ITFG1: variants seen among roughly 807,000 people sequenced by gnomAD.
ITFG1 encodes the protein T-cell immunomodulatory protein.
A neutral mutation model predicts 81.8 loss-of-function variants in ITFG1; 34 were observed. That is an observed-to-expected ratio of 0.42 (90% CI 0.32 to 0.55). ITFG1 has a LOEUF of 0.55. Ranked by LOEUF, ITFG1 falls within the 20% of genes least tolerant of loss-of-function variation. The pLI is 0.17. For missense variants in ITFG1, 672 were observed against 755.4 expected (o/e 0.89, Z 1.29); for synonymous variants, 285 against 270.6 (o/e 1.05, Z -0.52).
chr16:47,337,134 T>A (rs1967715633), intron 8 of ITFG1, among the ~76,000 whole-genome samples: 1 of 101,838 alleles, frequency 9.8e-6, no homozygotes, highest in African/African-American at 3.3e-5. Context: ...GCGAACTCTG[T>A]CTCAAAAAAA....
chr16:47,279,491 A>G (rs942082549), intron 10 of ITFG1, among the ~76,000 whole-genome samples: 1 of 152,172 alleles, frequency 6.6e-6, no homozygotes, highest in African/African-American at 2.4e-5. Context: ...CCACTGATCT[A>G]TGTGTCTACT....
intron 14 of ITFG1, 147 bp downstream of exon 14, chr16:47,218,721 C>A: frequency 2.5e-6 from 1 of 404,520 alleles, no homozygotes; most frequent in Non-Finnish European, 4.3e-6. Context: ...TATAATCTAC[C>A]AATGTAAGTC....
rs71134539 is a variant in ITFG1 at position 47,369,833 on chromosome 16, C to CTTTTTTTTTT, written c.721-3974_721-3965dup. On this transcript the variant is annotated intron_variant, in intron 7 of 17. Transcript: ENST00000320640. Reference sequence around the variant, plus strand: ...TCCTATTCAGAATATTCAATATCCTCTTTTTTTTTTTTTTTTTTTTTTTTG... The same window carrying CTTTTTTTTTT: ...TCCTATTCAGAATATTCAATATCCTCTTTTTTTTTTTTTTTTTTTTTTTTTTTTTTTTTTG... 2.1e-4 allele frequency among the ~76,000 whole-genome samples: 11 copies of CTTTTTTTTTT among 51,708 alleles called. 1 individual carries two copies. Among genetic ancestry groups the CTTTTTTTTTT allele is most frequent in the African/African-American group, 6.3e-4 (8 of 12,798 alleles). 33.9% of individuals were successfully genotyped at this position (51,708 alleles called of 152,430 possible).
At chr16:47,160,690 C>A (rs1461269945) in intron 16 of ITFG1, among the ~76,000 whole-genome samples, 1 of 152,068 alleles carries the variant, frequency 6.6e-6, no homozygotes, top group Non-Finnish European at 1.5e-5. Flanking sequence ...GGTTCTGAAG[C>A]CCATTAATTT....
chr16:47,293,490 T>G (rs928573838), intron 10 of ITFG1, among the ~76,000 whole-genome samples: 1 of 152,078 alleles, frequency 6.6e-6, no homozygotes, highest in African/African-American at 2.4e-5. Context: ...AAGAGTTCCC[T>G]TAATTCTGTA....
intron 5 of ITFG1, among the ~76,000 whole-genome samples, chr16:47,447,371 T>C (rs1467890882): frequency 1.3e-5 from 2 of 152,202 alleles, no homozygotes; most frequent in Non-Finnish European, 2.9e-5. Flanking sequence ...CTAAAAATTA[T>C]TAAGATTTAA....
At chr16:47,332,054 T>G (rs984499360) in intron 8 of ITFG1, among the ~76,000 whole-genome samples, 2 of 152,160 alleles carry the variant, frequency 1.3e-5, no homozygotes, top group African/African-American at 4.8e-5. Flanking sequence ...ATGTATGAAA[T>G]GTCTGAACCA....
At chr16:47,271,049 GCCAATTAAACC>G (rs2151545985) in intron 10 of ITFG1, among the ~76,000 whole-genome samples, 1 of 152,218 alleles carries the variant, frequency 6.6e-6, no homozygotes, top group East Asian at 1.9e-4. Context: ...AATTTACTCT[GCCAATTAAACC>G]CCAATTAAGC....
At chr16:47,184,019 C>T (rs532071883) in intron 14 of ITFG1, among the ~76,000 whole-genome samples, 1 of 152,132 alleles carries the variant, frequency 6.6e-6, no homozygotes, top group Non-Finnish European at 1.5e-5. Context: ...ATGCGATCAA[C>T]TGGAAGAAAG....
intron 10 of ITFG1, among the ~76,000 whole-genome samples, chr16:47,270,973 G>T (rs1222819717): frequency 2.0e-5 from 3 of 152,192 alleles, no homozygotes; most frequent in Non-Finnish European, 4.4e-5. Flanking sequence ...TATCTTGATT[G>T]TGGTGATATT....
chr16:47,206,052 G>T (rs956204932), intron 14 of ITFG1, among the ~76,000 whole-genome samples: 1 of 152,062 alleles, frequency 6.6e-6, no homozygotes, highest in East Asian at 1.9e-4. Context: ...TTTTAGTGGA[G>T]ATGGGGTTTC....
At chr16:47,291,450 C>T (rs1301425591) in intron 10 of ITFG1, among the ~76,000 whole-genome samples, 2 of 152,008 alleles carry the variant, frequency 1.3e-5, no homozygotes, top group Non-Finnish European at 2.9e-5. Context: ...TCTTTGGAGA[C>T]CTTTGAGATT....
intron 2 of ITFG1, among the ~76,000 whole-genome samples, chr16:47,456,170 T>C (rs1387233621): frequency 6.6e-6 from 1 of 152,030 alleles, no homozygotes; most frequent in East Asian, 1.9e-4. Context: ...ACTGCACTCC[T>C]TTTTCACCTG....
intron 14 of ITFG1, among the ~76,000 whole-genome samples, chr16:47,198,050 C>T (rs879546270): frequency 2.0e-5 from 3 of 152,108 alleles, no homozygotes; most frequent in Non-Finnish European, 2.9e-5. Context: ...ACTGTTATTA[C>T]GGATTGAAGT....
chr16:47,338,806 T>C lies in ITFG1; in HGVS notation c.803-24983A>G, dbSNP rs552177545. Among the ~76,000 whole-genome samples the C allele has an allele frequency of 2.6e-5, 4 of 152,232 alleles. 1 individual carries two copies. The highest frequency in any genetic ancestry group is 2.1e-4 in the South Asian group (1 of 4,818). ...TTCCATTACCTCAAGCATTTGTCCT[T>C]TGTGCACAAACAATCCAATTCTACT... On this transcript the variant is annotated intron_variant, in intron 8 of 17. Transcript: ENST00000320640.
intron 10 of ITFG1, among the ~76,000 whole-genome samples, chr16:47,271,599 C>T (rs1056990911): frequency 6.6e-6 from 1 of 152,240 alleles, no homozygotes; most frequent in African/African-American, 2.4e-5. Flanking sequence ...CTGGCTCACG[C>T]CTGTGATCCC....
intron 11 of ITFG1, among the ~76,000 whole-genome samples, chr16:47,259,056 AC>A: frequency 6.6e-6 from 1 of 152,280 alleles, no homozygotes; most frequent in African/African-American, 2.4e-5. Context: ...ACCCTTTCCA[AC>A]CATCAGGGGG....
intron 5 of ITFG1, chr16:47,448,178 T>A (rs1969345651): frequency 6.6e-6 from 1 of 152,192 alleles, no homozygotes; most frequent in Admixed American, 6.6e-5. Context: ...ATTTAAGTGA[T>A]ACAATGTCAC....
rs1432226067 is a variant in ITFG1 at position 47,181,571 on chromosome 16, C to T, written c.1454-18907G>A. On this transcript the variant is annotated intron_variant, in intron 14 of 17. Transcript: ENST00000320640. Reference sequence around the variant, plus strand: ...GGAGGTGGGGGGGGGTCAGCCCCCCCGCCCGGCCAGCCGCCCCGTCCAGGA... The same window carrying T: ...GGAGGTGGGGGGGGGTCAGCCCCCCTGCCCGGCCAGCCGCCCCGTCCAGGA... Among the ~76,000 whole-genome samples, 221 of 147,474 alleles carry T rather than the reference C, an allele frequency of 1.5e-3. 2 individuals are homozygous for T. Among genetic ancestry groups the T allele is most frequent in the African/African-American group, 5.1e-3 (205 of 39,948 alleles).
Sources: gnomAD v4.1 joint callset for allele counts (sites outside exome capture counted in the v4.1 genomes callset) on GRCh38, gnomAD v4.1.1 for gene constraint, MANE v1.5 for transcripts, NCBI Gene and HGNC (gene_info 2026-07-23, HGNC 2026-07-21) for gene names.